The following ITGA8 variants were observed in gnomAD, a reference collection of about 807,000 sequenced individuals.
ITGA8 encodes the protein integrin subunit alpha 8, also known as integrin alpha-8.
ITGA8 carries 91 observed loss-of-function variants against 142.3 expected under a neutral mutation model. That is an observed-to-expected ratio of 0.64 (90% confidence interval 0.54 to 0.76). The LOEUF (loss-of-function observed/expected upper bound fraction) is 0.76. ITGA8 is among the 30% of genes least tolerant of loss of function. The pLI, the probability that ITGA8 is intolerant of heterozygous loss-of-function variation, is 0.00. For missense variants in ITGA8, 1,406 were observed against 1,327.7 expected (o/e 1.06, Z -0.92); for synonymous variants, 505 against 485.2 (o/e 1.04, Z -0.54).
At chr10:15,622,272 G>C (rs1386682660) in intron 13 of ITGA8, among the ~76,000 whole-genome samples, 1 of 152,116 alleles carries the variant, frequency 6.6e-6, no homozygotes, top group Non-Finnish European at 1.5e-5. Context: ...CCTTCCTCCT[G>C]CTTCCTTCTT....
chr10:15,622,797 A>G (rs1387982640), intron 13 of ITGA8, among the ~76,000 whole-genome samples: 1 of 152,220 alleles, frequency 6.6e-6, no homozygotes, highest in Admixed American at 6.5e-5. Flanking sequence ...AAACATTCTT[A>G]AAAAGATTAC....
chr10:15,674,030 A>G (rs979932766), intron 6 of ITGA8, among the ~76,000 whole-genome samples: 4 of 150,996 alleles, frequency 2.6e-5, no homozygotes, highest in African/African-American at 9.9e-5. Flanking sequence ...TTAATTTGAA[A>G]GCCAAATTAG....
At chr10:15,588,852 A>G (rs909144986) in intron 22 of ITGA8, among the ~76,000 whole-genome samples, 3 of 152,232 alleles carry the variant, frequency 2.0e-5, no homozygotes, top group African/African-American at 7.2e-5. Context: ...ATGCAGCAGG[A>G]ACAGCAGCAA....
chr10:15,655,502 A>G lies in ITGA8; in HGVS notation c.949-96T>C, dbSNP rs573039408. On this transcript the variant is annotated intron_variant, in intron 10 of 29. Transcript: ENST00000378076. ...CCTGAAAGATTCATCTCATTGTGGT[A>G]CATTTTTGCATTGAAATTCATAGAT... 8 of 863,756 alleles carry G rather than the reference A, an allele frequency of 9.3e-6. No individual in the cohort carries two copies. In the African/African-American group the frequency reaches 1.4e-4, roughly 15 times the overall value. The allele number at this position is 863,756 out of a possible 1,614,324, so 53.5% of individuals were successfully genotyped here.
Position 15,575,629 on chromosome 10 carries a change from T to A in ITGA8, c.2373-35A>T, listed in dbSNP as rs370320806. On this transcript the variant is annotated intron_variant, in intron 23 of 29. Transcript: ENST00000378076. ...GAAATGTCCTGTTAATTGTTAGCAA[T>A]GGCCCAGGTAAAGAATGTTTTACTA... is the stretch of plus-strand genomic sequence containing the variant. The A allele has an allele frequency of 3.9e-6, 6 of 1,524,300 alleles. No homozygotes were observed. In the African/African-American group the frequency reaches 8.2e-5, roughly 21 times the overall value. 94.4% of individuals were successfully genotyped at this position (1,524,300 alleles called of 1,614,324 possible). A position where few individuals can be genotyped will look rare whatever the true frequency, so the allele number is the denominator to read the frequency against.
chr10:15,559,476 T>C (rs1285163493), intron 25 of ITGA8, among the ~76,000 whole-genome samples: 1 of 152,078 alleles, frequency 6.6e-6, no homozygotes, highest in Non-Finnish European at 1.5e-5. Flanking sequence ...GAGATGAAGA[T>C]AATCTGGAGA....
chr10:15,540,754 G>A (rs1347064481), intron 27 of ITGA8, among the ~76,000 whole-genome samples: 5 of 152,164 alleles, frequency 3.3e-5, no homozygotes, highest in Admixed American at 6.6e-5. Context: ...GGACTGACAG[G>A]ACTTGTTTTC....
In ITGA8 at chr10:15,517,228, C is replaced by A; in HGVS notation, c.3122G>T (p.Arg1041Ile). 1.2e-6 allele frequency: 2 copies of A among 1,612,762 alleles called. No homozygotes were observed. Among genetic ancestry groups the A allele is most frequent in the South Asian group, 1.1e-5 (1 of 90,948 alleles). ...LALWKCGFFDRARPPQEDMTD... is the reference protein window; with the variant it reads ...LALWKCGFFDIARPPQEDMTD... ...CATGTCCTCCTGAGGAGGTCTGGCT[C>A]TGTCAAAGAATCCACACTATAAAGG... The change falls in exon 30 of 30, where the codon AGA becomes ATA. Residue 1041 changes from arginine to isoleucine, a missense_variant. By Grantham distance (97) the Arg-to-Ile change is moderately conservative. Transcript: ENST00000378076.
At chr10:15,701,487 C>G (rs1318432723) in intron 2 of ITGA8, among the ~76,000 whole-genome samples, 1 of 149,416 alleles carries the variant, frequency 6.7e-6, no homozygotes, top group Non-Finnish European at 1.5e-5. Flanking sequence ...GCTTTTGGTT[C>G]TTTTTTTTTT....
intron 15 of ITGA8, among the ~76,000 whole-genome samples, chr10:15,610,230 T>C (rs947076943): frequency 6.6e-6 from 1 of 152,234 alleles, no homozygotes; most frequent in Admixed American, 6.5e-5. Flanking sequence ...CTCTGTGTTA[T>C]GATCTAAAGA....
chr10:15,648,508 A>G (rs577117071), intron 11 of ITGA8, among the ~76,000 whole-genome samples: 1 of 150,340 alleles, frequency 6.7e-6, no homozygotes, highest in Non-Finnish European at 1.5e-5. Context: ...ATATTAATAT[A>G]CAATATATTA....
At position 15,656,499 on chromosome 10, in the gene ITGA8, G is replaced by T. The variant is rs1347782524; in HGVS notation, c.949-1093C>A. ...CTGCCTCAGCCTCCTGAGTAACTGG[G>T]ATTACAGGTACCTGCCACCATGCCC... On this transcript the variant is annotated intron_variant, in intron 10 of 29. Transcript: ENST00000378076. Among the ~76,000 whole-genome samples, 6 of 152,058 alleles carry T rather than the reference G, an allele frequency of 3.9e-5. No homozygotes were observed. In the East Asian group the frequency reaches 9.7e-4, roughly 25 times the overall value.
intron 2 of ITGA8, among the ~76,000 whole-genome samples, chr10:15,697,108 A>G (rs1835067528): frequency 6.6e-6 from 1 of 151,492 alleles, no homozygotes; most frequent in South Asian, 2.1e-4. Flanking sequence ...GACACCAAAA[A>G]CTGGAGCAAC....
intron 27 of ITGA8, among the ~76,000 whole-genome samples, chr10:15,532,447 G>A (rs78165215): frequency 2.3e-3 from 118 of 51,114 alleles, no homozygotes; most frequent in African/African-American, 9.8e-3. Flanking sequence ...AAAAAAAAAA[G>A]CCTCTAGTTA....
At chr10:15,521,379 C>A (rs1309768180) in intron 28 of ITGA8, among the ~76,000 whole-genome samples, 1 of 152,130 alleles carries the variant, frequency 6.6e-6, no homozygotes, top group Non-Finnish European at 1.5e-5. Flanking sequence ...CTCAGCTTGT[C>A]TTGGTTTTTT....
chr10:15,636,867 G>A (rs1032353894), intron 13 of ITGA8, among the ~76,000 whole-genome samples: 7 of 152,174 alleles, frequency 4.6e-5, no homozygotes, highest in East Asian at 1.9e-4. Context: ...GAAAGAGGTC[G>A]GCCACGGTGG....
intron 2 of ITGA8, among the ~76,000 whole-genome samples, chr10:15,697,904 C>G (rs1030583696): frequency 6.6e-6 from 1 of 152,054 alleles, no homozygotes; most frequent in Non-Finnish European, 1.5e-5. Context: ...ATATTTTCTT[C>G]TTAAATTTAT....
At chr10:15,603,568 C>T (rs1323037354) in intron 20 of ITGA8, among the ~76,000 whole-genome samples, 1 of 152,132 alleles carries the variant, frequency 6.6e-6, no homozygotes, top group Non-Finnish European at 1.5e-5. Context: ...CACTGCAGAA[C>T]TGGAGGATGC....
At chr10:15,710,192 A>G (rs1302643562) in intron 2 of ITGA8, among the ~76,000 whole-genome samples, 1 of 152,224 alleles carries the variant, frequency 6.6e-6, no homozygotes, top group Admixed American at 6.5e-5. Flanking sequence ...ATAGTCTCTC[A>G]TTACAATTTC....
Sources: allele counts gnomAD v4.1 joint callset (sites outside exome capture counted in the v4.1 genomes callset), GRCh38; gene constraint gnomAD v4.1.1; transcripts MANE v1.5; gene names NCBI Gene and HGNC (gene_info 2026-07-23, HGNC 2026-07-21).